The following ABCB11 variants were observed in gnomAD, a reference collection of about 807,000 sequenced individuals.
ABCB11 encodes the protein bile salt export pump.
A neutral mutation model predicts 148.0 loss-of-function variants in ABCB11; 95 were observed. That is an observed-to-expected ratio of 0.64 (90% confidence interval 0.54 to 0.76). The LOEUF is 0.76. ABCB11 is among the 30% of genes least tolerant of loss of function. The pLI is 0.00. For synonymous variants in ABCB11, 591 were observed against 555.4 expected (o/e 1.06, Z -0.90); for missense variants, 1,523 against 1,617.8 (o/e 0.94, Z 1.01).
intron 5 of ABCB11, among the ~76,000 whole-genome samples, chr2:169,005,635 T>C (rs1694996701): frequency 6.6e-6 from 1 of 152,020 alleles, no homozygotes; most frequent in South Asian, 2.1e-4. Flanking sequence ...AGCCTCCCCA[T>C]TGAGAAAGCA....
At chr2:168,994,241 T>C (rs1694641033) in intron 7 of ABCB11, among the ~76,000 whole-genome samples, 1 of 152,104 alleles carries the variant, frequency 6.6e-6, no homozygotes, top group Non-Finnish European at 1.5e-5. Flanking sequence ...GCCTCAAGGT[T>C]CTAGTCACAT....
chr2:168,937,720 A>T (rs1024561213), intron 21 of ABCB11, among the ~76,000 whole-genome samples: 2 of 152,218 alleles, frequency 1.3e-5, no homozygotes, highest in Non-Finnish European at 2.9e-5. Flanking sequence ...TTTGAAGTTG[A>T]TACAAGACTA....
chr2:168,959,159 T>G (rs186460054), intron 18 of ABCB11, among the ~76,000 whole-genome samples: 1 of 151,716 alleles, frequency 6.6e-6, no homozygotes, highest in Non-Finnish European at 1.5e-5. Context: ...AAAGTCTGTG[T>G]CATGTCCATT....
intron 24 of ABCB11, 70 bp from the exon 25 acceptor site, chr2:168,930,932 C>T (rs1292370562): frequency 7.2e-7 from 1 of 1,383,916 alleles, no homozygotes; most frequent in Non-Finnish European, 9.8e-7. Context: ...ACACCTAAAT[C>T]TTGAGTTTAA....
In ABCB11 at chr2:168,969,409, A is replaced by G. The variant is rs868080119; in HGVS notation, c.1952T>C (p.Phe651Ser). 1 of 1,612,686 alleles carries G rather than the reference A, an allele frequency of 6.2e-7. No homozygotes were observed. The highest frequency in any genetic ancestry group is 1.1e-5 in the South Asian group (1 of 91,018). The change falls in exon 16 of 28, where the codon TTC (phenylalanine) becomes TCC (serine). Residue 651 changes from phenylalanine to serine, a missense_variant. By Grantham distance (155) the Phe-to-Ser change is radical. Coordinates refer to ENST00000650372, the MANE Select transcript of ABCB11 (RefSeq NM_003742.4). ...EELLERKGVY[F>S]TLVTLQSQGN... is the part of the protein sequence containing the mutation. The stretch of plus-strand genomic sequence containing the variant: ...CTGGCTTTGCAAAGTCACTAGAGTG[A>G]AGTAAACACCTTTCCTTTCCAGTAA...
chr2:168,919,624 A>AT (rs774341336), downstream of ABCB11, among the ~76,000 whole-genome samples: 966 of 125,538 alleles, frequency 7.7e-3, 12 homozygotes, highest in African/African-American at 0.027. Flanking sequence ...CTGTGACCTT[A>AT]TTTTTTAAAA....
rs374665717 is a variant in ABCB11 at position 168,932,849 on chromosome 2, C to T, written c.3057-316G>A. Among the ~76,000 whole-genome samples the T allele has an allele frequency of 5.9e-5, 9 of 152,252 alleles. No homozygotes were observed. In the East Asian group the frequency reaches 9.6e-4, roughly 16 times the overall value. On this transcript the variant is annotated intron_variant, in intron 23 of 27. Transcript: ENST00000650372. ...TGTTGGCCAGGCGCGGTGGCTCACT[C>T]CTGTAATCCCAGCACCTTGGGAGGC...
In ABCB11 at chr2:168,970,207, G is replaced by A. The variant is rs1244153418; in HGVS notation, c.1647C>T (p.Asp549=). 3.0e-5 allele frequency: 48 copies of A among 1,611,312 alleles called. No homozygotes were observed. Among genetic ancestry groups the A allele is most frequent in the Non-Finnish European group, 3.7e-5 (44 of 1,178,496 alleles). ...NFIMDLPQQF[D]TLVGEGGGQM... ...GGCCTCCTCCTTCTCCAACAAGGGT[G>A]TCAAATTGCTAGATGGAAGGTGACA... is the stretch of plus-strand genomic sequence containing the variant. Residue 549 remains aspartate, a synonymous_variant, in exon 15 of 28, where the codon GAC becomes GAT. Coordinates refer to ENST00000650372, the MANE Select transcript of ABCB11 (RefSeq NM_003742.4).
chr2:168,953,976 T>A (rs990232169), intron 19 of ABCB11, among the ~76,000 whole-genome samples: 9 of 151,782 alleles, frequency 5.9e-5, no homozygotes, highest in African/African-American at 1.9e-4. Flanking sequence ...TGATGTCTCG[T>A]GTCTCCCTAA....
intron 25 of ABCB11, among the ~76,000 whole-genome samples, chr2:168,927,934 G>C (rs1306187211): frequency 2.6e-5 from 4 of 152,148 alleles, no homozygotes; most frequent in Non-Finnish European, 5.9e-5. Flanking sequence ...GCTACGTAAA[G>C]AAAATATAAT....
rs369671177 is a variant in ABCB11 at position 168,990,899 on chromosome 2, C to T, written c.810G>A (p.Glu270=). The change falls in exon 9 of 28, where the codon GAG becomes GAA. Residue 270 remains glutamate, a synonymous_variant. Coordinates refer to ENST00000650372, the MANE Select transcript of ABCB11 (RefSeq NM_003742.4). ...GLSVSKFTDY[E]LKAYAKAGVV... is the part of the protein sequence containing the mutation. ...CCCCTGCTTTGGCATAGGCCTTCAG[C>T]TCATAGTCCGTAAACTTGGACACAC... 2.9e-5 allele frequency: 46 copies of T among 1,612,918 alleles called. No individual in the cohort carries two copies. Among genetic ancestry groups the T allele is most frequent in the Non-Finnish European group, 3.6e-5 (43 of 1,179,336 alleles).
At chr2:168,985,326 A>G (rs1208725480) in intron 10 of ABCB11, among the ~76,000 whole-genome samples, 2 of 152,178 alleles carry the variant, frequency 1.3e-5, no homozygotes, top group Non-Finnish European at 2.9e-5. Flanking sequence ...ACAACTATGG[A>G]AAACAGTATG....
At chr2:169,014,384 C>A in intron 3 of ABCB11, 30 bp from the exon 4 acceptor site, 1 of 1,594,502 alleles carries the variant, frequency 6.3e-7, no homozygotes, top group African/African-American at 1.3e-5. Flanking sequence ...GATTTAAAGA[C>A]CACCCTTTCC....
intron 23 of ABCB11, among the ~76,000 whole-genome samples, chr2:168,933,063 C>T (rs760862059): frequency 6.8e-6 from 1 of 147,674 alleles, no homozygotes; most frequent in Non-Finnish European, 1.5e-5. Flanking sequence ...GAGCCAAGAT[C>T]GCGCCACTGC....
intron 1 of ABCB11, among the ~76,000 whole-genome samples, chr2:169,030,122 G>T (rs1405037034): frequency 6.6e-6 from 1 of 152,152 alleles, no homozygotes; most frequent in African/African-American, 2.4e-5. Flanking sequence ...GGCAATTGTA[G>T]CATCTTTTAA....
rs756679287 is a variant in ABCB11 at position 168,979,969 on chromosome 2, C to T, written c.1094G>A (p.Ser365Asn). ...AAGATTTAAAGCTCCTACTATGACA[C>T]TGAGGAAAATCTGAAATGAAAAGAG... ...TPGTLVQIFL[S>N]VIVGALNLGN... Residue 365 changes from serine to asparagine, a missense_variant, in exon 11 of 28, where the codon AGT becomes AAT. Transcript: ENST00000650372. 5 of 1,601,412 alleles carry T rather than the reference C, an allele frequency of 3.1e-6. No homozygotes were observed. The South Asian group carries it at 5.5e-5, about 18-fold the overall frequency.
chr2:168,969,828 T>C (rs1172141031), intron 15 of ABCB11, among the ~76,000 whole-genome samples: 3 of 152,090 alleles, frequency 2.0e-5, no homozygotes, highest in Non-Finnish European at 4.4e-5. Flanking sequence ...TTTAAACTTT[T>C]ACATGTGTAG....
chr2:168,961,793 G>C (rs1693088671), intron 18 of ABCB11, among the ~76,000 whole-genome samples: 1 of 151,660 alleles, frequency 6.6e-6, no homozygotes, highest in Non-Finnish European at 1.5e-5. Flanking sequence ...ATGGTTCTAA[G>C]TTTTAGAGTC....
At chr2:169,012,175 AATTCCTCTGAGGGAGCC>A (rs1415805745) in intron 5 of ABCB11, among the ~76,000 whole-genome samples, 1 of 152,126 alleles carries the variant, frequency 6.6e-6, no homozygotes, top group African/African-American at 2.4e-5. Context: ...GAAAACTATA[AATTCCTCTGAGGGAGCC>A]ATTCCTAGTG....
Sources: gnomAD v4.1 joint callset for allele counts (sites outside exome capture counted in the v4.1 genomes callset) on GRCh38, gnomAD v4.1.1 for gene constraint, MANE v1.5 for transcripts, NCBI Gene and HGNC (gene_info 2026-07-23, HGNC 2026-07-21) for gene names.